The following ADAM22 variants were observed in gnomAD, a reference collection of about 807,000 sequenced individuals.
ADAM22 encodes the protein ADAM metallopeptidase domain 22.
Under a neutral mutation model 144.6 loss-of-function variants are expected in ADAM22, and 65 were observed. The ratio of observed to expected loss-of-function variants is 0.45; its 90% CI spans 0.37 to 0.55. The LOEUF (loss-of-function observed/expected upper bound fraction) is 0.55, where lower values mean the gene tolerates loss of function less well. Ranked by LOEUF, ADAM22 falls within the 20% of genes least tolerant of loss-of-function variation. The pLI is 0.00. For synonymous variants in ADAM22, 391 were observed against 412.6 expected (o/e 0.95, Z 0.63); for missense variants, 974 against 1,184.9 (o/e 0.82, Z 2.61).
chr7:88,118,245 A>C lies in ADAM22; in HGVS notation c.607+1431A>C, dbSNP rs190544461. On this transcript the variant is annotated intron_variant, in intron 7 of 31. Transcript: ENST00000413139. ...TACATTGTCTCTTCATCAGAAAATA[A>C]ATGTTTCCTAATGTTCCTTTCTCTC... is the stretch of plus-strand genomic sequence containing the variant. Among the ~76,000 whole-genome samples, 525 of 152,286 alleles carry C rather than the reference A, an allele frequency of 3.4e-3. 4 individuals are homozygous for C. The highest frequency in any genetic ancestry group is 6.2e-3 in the Non-Finnish European group (419 of 68,026).
chr7:87,998,412 A>G (rs12538351), intron 3 of ADAM22, among the ~76,000 whole-genome samples: 17,906 of 152,032 alleles, frequency 0.12, 1,314 homozygotes, highest in East Asian at 0.31. Flanking sequence ...TTTTTTTGAG[A>G]CAGGGTCTTG....
At chr7:88,153,483 G>A (rs1419328912) in intron 21 of ADAM22, among the ~76,000 whole-genome samples, 157 bp downstream of exon 21, 1 of 152,146 alleles carries the variant, frequency 6.6e-6, no homozygotes, top group African/African-American at 2.4e-5. Flanking sequence ...CCTGTGCAGA[G>A]GGCTTCCAAA....
intron 22 of ADAM22, among the ~76,000 whole-genome samples, chr7:88,162,572 C>T (rs1373379900): frequency 3.3e-5 from 5 of 151,926 alleles, no homozygotes; most frequent in East Asian, 3.9e-4. Flanking sequence ...CAATGCTTAC[C>T]GAGGTTTTAA....
chr7:87,952,389 A>T (rs1278892123), intron 2 of ADAM22, among the ~76,000 whole-genome samples: 1 of 152,170 alleles, frequency 6.6e-6, no homozygotes, highest in Non-Finnish European at 1.5e-5. Context: ...TTCTGCATCT[A>T]TTGAGATAAT....
intron 15 of ADAM22, 69 bp from the exon 16 acceptor site, chr7:88,145,056 T>A (rs1428806691): frequency 5.0e-6 from 7 of 1,408,750 alleles, no homozygotes; most frequent in Non-Finnish European, 5.9e-6. Context: ...GGTATGGCAC[T>A]TATGGTCTCT....
intron 3 of ADAM22, among the ~76,000 whole-genome samples, chr7:88,003,768 A>G (rs1373494009): frequency 6.6e-6 from 1 of 150,536 alleles, no homozygotes; most frequent in African/African-American, 2.5e-5. Context: ...GATGATTTTA[A>G]ATGTTCCTAA....
chr7:88,140,613 T>A (rs1348848891), intron 14 of ADAM22, among the ~76,000 whole-genome samples: 1 of 152,092 alleles, frequency 6.6e-6, no homozygotes, highest in Non-Finnish European at 1.5e-5. Flanking sequence ...CCCAGAACTT[T>A]GGGAGGATCG....
At chr7:87,993,146 T>A (rs1427457202) in intron 3 of ADAM22, among the ~76,000 whole-genome samples, 1 of 152,098 alleles carries the variant, frequency 6.6e-6, no homozygotes, top group Non-Finnish European at 1.5e-5. Context: ...AAGGTAACCT[T>A]GAGGAATAAA....
rs71120011 is a variant in ADAM22 at position 87,960,375 on chromosome 7, G to GGT, written c.247-17940_247-17939dup. 7.6e-3 allele frequency among the ~76,000 whole-genome samples: 1,133 copies of GGT among 149,174 alleles called. 12 individuals carry two copies. The highest frequency in any genetic ancestry group is 0.046 in the East Asian group (231 of 5,052). On this transcript the variant is annotated intron_variant, in intron 2 of 31. Transcript: ENST00000413139. ...GTATTGTTGCTGCTGGTGGTAGTGG[G>GGT]GTGTGTGTGTGTGTGTGTGTGTCTG...
chr7:88,175,666 C>A (rs1359072368), intron 26 of ADAM22, among the ~76,000 whole-genome samples: 1 of 152,002 alleles, frequency 6.6e-6, no homozygotes, highest in African/African-American at 2.4e-5. Flanking sequence ...ACTAATCAGG[C>A]CACCTACTGT....
chr7:88,086,870 T>A (rs1818576035), intron 4 of ADAM22, among the ~76,000 whole-genome samples: 1 of 152,196 alleles, frequency 6.6e-6, no homozygotes, highest in Non-Finnish European at 1.5e-5. Flanking sequence ...AAATGAACAG[T>A]TATATAGGCT....
At chr7:87,981,774 G>A (rs902050493) in intron 3 of ADAM22, among the ~76,000 whole-genome samples, 1 of 151,964 alleles carries the variant, frequency 6.6e-6, no homozygotes, top group Admixed American at 6.6e-5. Flanking sequence ...GTTAACTCTG[G>A]AAGAGTCTCA....
At chr7:88,142,806 C>T (rs1344307275) in intron 14 of ADAM22, among the ~76,000 whole-genome samples, 3 of 151,242 alleles carry the variant, frequency 2.0e-5, no homozygotes, top group African/African-American at 7.3e-5. Flanking sequence ...CCACTGCACT[C>T]CAGCCTGGGC....
intron 3 of ADAM22, among the ~76,000 whole-genome samples, chr7:88,067,256 T>A (rs73706963): frequency 0.12 from 17,662 of 151,274 alleles, 1,521 homozygotes; most frequent in East Asian, 0.24. Context: ...TTTTTTTTTT[T>A]AAATTATACT....
chr7:88,145,345 G>C (rs1039334740), intron 16 of ADAM22, 70 bp from the exon 17 acceptor site: 1 of 1,504,254 alleles, frequency 6.6e-7, no homozygotes, highest in Admixed American at 1.9e-5. Context: ...ATTTATTTTA[G>C]AAAATATCCT....
At chr7:88,113,063 C>G (rs1281331274) in intron 5 of ADAM22, among the ~76,000 whole-genome samples, 2 of 151,186 alleles carry the variant, frequency 1.3e-5, no homozygotes, top group African/African-American at 4.9e-5. Flanking sequence ...CCCTCTGCTT[C>G]CTGCTTCCCT....
intron 26 of ADAM22, among the ~76,000 whole-genome samples, chr7:88,173,546 A>G (rs1305496092): frequency 6.6e-6 from 1 of 152,122 alleles, no homozygotes; most frequent in Non-Finnish European, 1.5e-5. Context: ...TAGTGATTAT[A>G]GACAAAGTGG....
At chr7:87,992,809 T>G (rs1790207716) in intron 3 of ADAM22, among the ~76,000 whole-genome samples, 2 of 152,190 alleles carry the variant, frequency 1.3e-5, no homozygotes, top group South Asian at 2.1e-4. Flanking sequence ...GCCATGCTGC[T>G]TTGTCATTCT....
chr7:87,934,440 G>C lies in ADAM22; in HGVS notation c.-26G>C. 1 of 1,568,858 alleles carries C rather than the reference G, an allele frequency of 6.4e-7. No homozygotes were observed. The highest frequency in any genetic ancestry group is 8.6e-7 in the Non-Finnish European group (1 of 1,162,740). On this transcript the variant is annotated 5_prime_UTR_variant, in exon 1 of 32. Transcript: ENST00000413139. ...GCCGGCATGAGGAGCTGAGCGTCTC[G>C]GGCGAGGCGGGCTGACGGCAGCACC...
Sources: gnomAD v4.1 joint callset for allele counts (sites outside exome capture counted in the v4.1 genomes callset) on GRCh38, gnomAD v4.1.1 for gene constraint, MANE v1.5 for transcripts, NCBI Gene and HGNC (gene_info 2026-07-23, HGNC 2026-07-21) for gene names.